The following NAP1L1 variants were observed in gnomAD, a reference collection of about 807,000 sequenced individuals.
The protein encoded by NAP1L1 is nucleosome assembly protein 1 like 1, also known as nucleosome assembly protein 1-like 1.
NAP1L1 carries 9 observed loss-of-function variants against 58.9 expected under a neutral mutation model. The observed-to-expected ratio is 0.15, with a 90% CI of 0.09 to 0.27. NAP1L1 has a LOEUF of 0.27. Among genes scored for constraint, NAP1L1 ranks in the 10% least tolerant of loss-of-function variants. The probability of loss-of-function intolerance (pLI) is 1.00; values close to 1 mark genes in which losing one functional copy is unlikely to be tolerated. For synonymous variants in NAP1L1, 130 were observed against 138.3 expected (o/e 0.94, Z 0.42); for missense variants, 302 against 458.8 (o/e 0.66, Z 3.12).
intron 1 of NAP1L1, among the ~76,000 whole-genome samples, chr12:76,081,290 T>C (rs1256534421): frequency 2.0e-5 from 3 of 152,196 alleles, no homozygotes; most frequent in African/African-American, 7.2e-5. Flanking sequence ...TGTTAAAATG[T>C]TGATGCTACC....
At chr12:76,060,919 C>T (rs1949377133) in intron 4 of NAP1L1, 21 of 289,892 alleles carry the variant, frequency 7.2e-5, no homozygotes, top group South Asian at 5.7e-4. Flanking sequence ...ATGACAAAAC[C>T]CTGTCCTTAC....
intron 3 of NAP1L1, 106 bp downstream of exon 3, chr12:76,068,803 A>G: frequency 1.4e-6 from 1 of 730,894 alleles, no homozygotes; most frequent in Non-Finnish European, 2.4e-6. Context: ...CAGTAGATAA[A>G]TGGGACAATG....
intron 6 of NAP1L1, chr12:76,058,194 C>CATATATATATATATAT (rs3082540): frequency 4.0e-5 from 14 of 350,018 alleles, no homozygotes; most frequent in African/African-American, 3.5e-4. Context: ...GAGAGGCCTA[C>CATATATATATATATAT]ATATATATAT....
chr12:76,082,084 A>G (rs897676508), intron 1 of NAP1L1, among the ~76,000 whole-genome samples: 2 of 152,216 alleles, frequency 1.3e-5, no homozygotes, highest in African/African-American at 4.8e-5. Context: ...GAAGATCTGA[A>G]TACACTGATC....
rs1948670669 is a variant in NAP1L1 at position 76,048,359 on chromosome 12, T to TGTAA, written c.*66_*69dup. 2 of 1,545,532 alleles carry TGTAA rather than the reference T, an allele frequency of 1.3e-6. No homozygotes were observed. The highest frequency in any genetic ancestry group is 1.8e-6 in the Non-Finnish European group (2 of 1,126,822). On this transcript the variant is annotated 3_prime_UTR_variant, in exon 15 of 15. Coordinates refer to ENST00000618691, the MANE Select transcript of NAP1L1 (RefSeq NM_004537.7). ...CCAAGAAAATACAAAAACATAAGGC[T>TGTAA]GTAAGTAAATAAGAGTTGTGTTTAG...
At chr12:76,076,581 TA>T in intron 1 of NAP1L1, among the ~76,000 whole-genome samples, 1 of 57,822 alleles carries the variant, frequency 1.7e-5, no homozygotes, top group East Asian at 9.8e-4. Context: ...TATATATATA[TA>T]TATATATATA....
At chr12:76,050,430 T>A in intron 12 of NAP1L1, 101 bp downstream of exon 12, 1 of 1,384,318 alleles carries the variant, frequency 7.2e-7, no homozygotes, top group Non-Finnish European at 9.6e-7. Context: ...AATTTTGAAT[T>A]ATATTATGTC....
At chr12:76,067,676 A>G (rs1185638456) in intron 3 of NAP1L1, 9 of 458,684 alleles carry the variant, frequency 2.0e-5, no homozygotes, top group Non-Finnish European at 3.2e-5. Context: ...TTCCTAATCT[A>G]TCTCTAGTCA....
At chr12:76,063,933 T>C (rs1280008816) in intron 4 of NAP1L1, among the ~76,000 whole-genome samples, 1 of 148,544 alleles carries the variant, frequency 6.7e-6, no homozygotes, top group Non-Finnish European at 1.5e-5. Flanking sequence ...ATGCCTGTAT[T>C]CCCAGCGCTT....
intron 2 of NAP1L1, chr12:76,073,999 G>T: frequency 2.1e-6 from 1 of 479,270 alleles, no homozygotes; most frequent in Non-Finnish European, 3.7e-6. Flanking sequence ...ATATACGATG[G>T]TTTCGAATAT....
At chr12:76,069,023 T>A (rs1417588881) in intron 2 of NAP1L1, 29 bp from the exon 3 acceptor site, 3 of 1,492,814 alleles carry the variant, frequency 2.0e-6, no homozygotes, top group Middle Eastern at 1.8e-4. Context: ...ACACCAAGGT[T>A]CAAATGTACC....
intron 1 of NAP1L1, among the ~76,000 whole-genome samples, chr12:76,081,970 C>A (rs1433361): frequency 0.16 from 24,508 of 152,112 alleles, 2,192 homozygotes; most frequent in South Asian, 0.3. Context: ...TCTAAGCAAC[C>A]AATTTGCCTC....
chr12:76,054,027 C>G, intron 8 of NAP1L1, 118 bp from the exon 9 acceptor site: 1 of 1,168,936 alleles, frequency 8.6e-7, no homozygotes, highest in East Asian at 2.7e-5. Context: ...TTTTTCTACT[C>G]TGAAATACAA....
chr12:76,063,513 T>G (rs1175485836), intron 4 of NAP1L1, among the ~76,000 whole-genome samples: 1 of 152,104 alleles, frequency 6.6e-6, no homozygotes, highest in Non-Finnish European at 1.5e-5. Flanking sequence ...AAGCAAACAT[T>G]GAGGCCGAGT....
intron 7 of NAP1L1, among the ~76,000 whole-genome samples, chr12:76,055,553 T>A (rs549533026): frequency 5.3e-5 from 8 of 152,328 alleles, no homozygotes; most frequent in Middle Eastern, 3.4e-3. Context: ...TACTACAATG[T>A]AGACGGTAGG....
Position 76,049,828 on chromosome 12 carries a change from C to T in NAP1L1, c.1060-43G>A, listed in dbSNP as rs1431491755. 4 of 1,604,276 alleles carry T rather than the reference C, an allele frequency of 2.5e-6. No homozygotes were observed. In the Admixed American group the frequency reaches 6.7e-5, roughly 27 times the overall value. The stretch of plus-strand genomic sequence containing the variant: ...CGTTAAGTGTTGAGTGAATGTAACA[C>T]ACATTTCAGAGTAGCATCAGTAACA... On this transcript the variant is annotated intron_variant, in intron 12 of 14. Transcript: ENST00000618691.
rs1273246862 is a variant in NAP1L1 at position 76,043,467 on chromosome 12, C to A, written c.*4962G>T. The A allele has an allele frequency of 7.2e-6, 1 of 138,180 alleles. No individual in the cohort carries two copies. Among genetic ancestry groups the A allele is most frequent in the Non-Finnish European group, 1.6e-5 (1 of 64,362 alleles). The allele number at this position is 138,180 out of a possible 1,614,324, so 8.6% of individuals were successfully genotyped here. On this transcript the variant is annotated 3_prime_UTR_variant, in exon 15 of 15. Coordinates refer to ENST00000618691, the MANE Select transcript of NAP1L1 (RefSeq NM_004537.7). ...TCCAACCTGGGCAAATGAAGTAAGACCCTGTCTCAGAAAAAAAAAAAAAAA... is the reference window on the plus strand; with the variant it reads ...TCCAACCTGGGCAAATGAAGTAAGAACCTGTCTCAGAAAAAAAAAAAAAAA...
intron 6 of NAP1L1, chr12:76,058,196 T>TATATAC (rs1323914397): frequency 1.1e-4 from 1 of 9,212 alleles, no homozygotes; most frequent in African/African-American, 1.6e-4. Flanking sequence ...GAGGCCTACA[T>TATATAC]ATATATATAT....
In NAP1L1 at chr12:76,038,248, C is replaced by T. The variant is rs190739893; in HGVS notation, c.*10181G>A. ...CCACTGAAGAGCCCAAGAACACCTA[C>T]CACCTTTCCTAAGTATGCTTCTACT... On this transcript the variant is annotated 3_prime_UTR_variant, in exon 15 of 15. Transcript: ENST00000618691. 9.9e-5 allele frequency: 15 copies of T among 152,176 alleles called. No homozygotes were observed. Among genetic ancestry groups the T allele is most frequent in the African/African-American group, 3.1e-4 (13 of 41,448 alleles). 9.4% of individuals were successfully genotyped at this position (152,176 alleles called of 1,614,324 possible). A position where few individuals can be genotyped will look rare whatever the true frequency, so the allele number is the denominator to read the frequency against.
Sources: gnomAD v4.1 joint callset for allele counts (sites outside exome capture counted in the v4.1 genomes callset) on GRCh38, gnomAD v4.1.1 for gene constraint, MANE v1.5 for transcripts, NCBI Gene and HGNC (gene_info 2026-07-23, HGNC 2026-07-21) for gene names.